RALGAPA1: variants seen among roughly 807,000 people sequenced by gnomAD.
The protein encoded by RALGAPA1 is Ral GTPase activating protein catalytic subunit alpha 1.
Under a neutral mutation model 269.6 loss-of-function variants are expected in RALGAPA1, and 52 were observed. That is an observed-to-expected ratio of 0.19 (90% CI 0.15 to 0.24). The LOEUF is 0.24. Ranked by LOEUF, RALGAPA1 falls within the 10% of genes least tolerant of loss-of-function variation. The probability of loss-of-function intolerance (pLI) is 1.00; values close to 1 mark genes in which losing one functional copy is unlikely to be tolerated. For missense variants in RALGAPA1, 1,917 were observed against 3,013.9 expected (o/e 0.64, Z 8.52); for synonymous variants, 817 against 1,008.3 (o/e 0.81, Z 3.60).
chr14:35,620,486 A>T (rs1330075506), intron 35 of RALGAPA1, among the ~76,000 whole-genome samples: 1 of 152,122 alleles, frequency 6.6e-6, no homozygotes, highest in Non-Finnish European at 1.5e-5. Flanking sequence ...ACTCCTATTC[A>T]ACATAGTGTT....
chr14:35,664,419 G>C (rs2063774243), intron 27 of RALGAPA1, among the ~76,000 whole-genome samples: 1 of 152,190 alleles, frequency 6.6e-6, no homozygotes, highest in South Asian at 2.1e-4. Flanking sequence ...AGGTAGACAT[G>C]TGAGTAGGTT....
chr14:35,799,219 G>A (rs2076799384), intron 1 of RALGAPA1, among the ~76,000 whole-genome samples: 1 of 152,058 alleles, frequency 6.6e-6, no homozygotes, highest in South Asian at 2.1e-4. Flanking sequence ...TATACTACAT[G>A]GGAAGTGGTA....
chr14:35,681,195 T>C (rs2065409620), intron 21 of RALGAPA1, among the ~76,000 whole-genome samples: 1 of 152,192 alleles, frequency 6.6e-6, no homozygotes, highest in Admixed American at 6.5e-5. Flanking sequence ...TCTTGGAAAA[T>C]ACTGTACTGA....
intron 27 of RALGAPA1, among the ~76,000 whole-genome samples, chr14:35,663,756 AT>A (rs971988717): frequency 6.6e-6 from 1 of 151,508 alleles, no homozygotes; most frequent in Admixed American, 6.6e-5. Flanking sequence ...TGCCCGGCTA[AT>A]TTTTTTTGTA....
chr14:35,600,715 T>C (rs192270755), intron 36 of RALGAPA1, among the ~76,000 whole-genome samples: 4 of 152,376 alleles, frequency 2.6e-5, no homozygotes, highest in Admixed American at 6.5e-5. Context: ...TCTATTTCTT[T>C]GCTGAGACTA....
chr14:35,709,157 C>T (rs1252011920), intron 16 of RALGAPA1, among the ~76,000 whole-genome samples: 1 of 151,942 alleles, frequency 6.6e-6, no homozygotes, highest in Non-Finnish European at 1.5e-5. Flanking sequence ...CTAGTATTTG[C>T]TAGTACAACA....
chr14:35,605,707 C>T lies in RALGAPA1; in HGVS notation c.6932G>A (p.Arg2311Gln), dbSNP rs368964947. Residue 2311 changes from arginine to glutamine, a missense_variant and splice_region_variant, in exon 36 of 42, where the codon CGA becomes CAA. This residue lies in a region of RALGAPA1 where 132 missense variants were observed against 271.2 expected (regional missense o/e 0.49). Transcript: ENST00000680220. The part of the protein sequence containing the change: ...ELRNLDSRQC[R>Q]ETHKIAVFYV... ...AAATACTGCAATCTTGTGTGTCTCT[C>T]GGCTATAAAACAAAAGATTACACCA... 5.0e-6 allele frequency: 8 copies of T among 1,604,494 alleles called. No individual in the cohort carries two copies. Among genetic ancestry groups the T allele is most frequent in the Non-Finnish European group, 6.8e-6 (8 of 1,177,640 alleles).
At chr14:35,556,140 G>C (rs1023164017) in intron 39 of RALGAPA1, among the ~76,000 whole-genome samples, 11 of 152,050 alleles carry the variant, frequency 7.2e-5, no homozygotes, top group African/African-American at 2.7e-4. Context: ...TCATTACACA[G>C]GGTCTTGAAA....
At chr14:35,669,296 C>T (rs189015336) in intron 26 of RALGAPA1, among the ~76,000 whole-genome samples, 238 of 152,134 alleles carry the variant, frequency 1.6e-3, no homozygotes, top group African/African-American at 5.5e-3. Context: ...CTCTTGTTGC[C>T]CAGGCTGGAG....
At chr14:35,706,609 CT>C (rs1377144950) in intron 16 of RALGAPA1, 2 of 138,142 alleles carry the variant, frequency 1.4e-5, no homozygotes, top group Non-Finnish European at 3.0e-5. Flanking sequence ...GCTCTTTTGC[CT>C]TTCCTTTTTT....
At chr14:35,541,139 G>A (rs1594478730) in intron 41 of RALGAPA1, among the ~76,000 whole-genome samples, 2 of 144,372 alleles carry the variant, frequency 1.4e-5, no homozygotes, top group Non-Finnish European at 3.0e-5. Context: ...TCCACTGCCC[G>A]GGTTCAAGCG....
intron 13 of RALGAPA1, 78 bp from the exon 14 acceptor site, chr14:35,725,231 A>T: frequency 1.0e-6 from 1 of 990,846 alleles, no homozygotes; most frequent in Non-Finnish European, 1.4e-6. Context: ...TCAAATACAT[A>T]CTTCTTATAA....
Position 35,689,587 on chromosome 14 carries a change from T to G in RALGAPA1, c.2824A>C (p.Thr942Pro). The G allele has an allele frequency of 8.0e-7, 1 of 1,242,996 alleles. No homozygotes were observed. Among genetic ancestry groups the G allele is most frequent in the Non-Finnish European group, 1.0e-6 (1 of 995,270 alleles). The allele number at this position is 1,242,996 out of a possible 1,614,324, so 77.0% of individuals were successfully genotyped here. A position where few individuals can be genotyped will look rare whatever the true frequency, so the allele number is the denominator to read the frequency against. Residue 942 changes from threonine (T) to proline (P), a missense_variant, in exon 18 of 42, where the codon ACC (threonine) becomes CCC (proline). Physicochemically the swap from Thr to Pro is conservative, Grantham distance 38 (BLOSUM62 -1). Around this residue, in one of 11 missense-constraint regions of RALGAPA1, gnomAD observed 615 missense variants for 790.0 expected, o/e 0.78. Transcript: ENST00000680220. The part of the protein sequence containing the change: ...DLEGDDDLLS[T>P]LKEYFKENQE... ...TTTTCCTTAAAATATTCTTTCAGGG[T>G]GGAAAGAAGATCATCATCTCCTTCA...
chr14:35,608,922 G>T (rs1269438984), intron 35 of RALGAPA1, among the ~76,000 whole-genome samples: 1 of 152,112 alleles, frequency 6.6e-6, no homozygotes, highest in African/African-American at 2.4e-5. Flanking sequence ...ACAACTTACA[G>T]GATAGACCAT....
intron 16 of RALGAPA1, chr14:35,715,990 C>T (rs1163195921): frequency 2.0e-6 from 2 of 985,308 alleles, no homozygotes; most frequent in Non-Finnish European, 2.4e-6. Flanking sequence ...TATCTAATAG[C>T]TCCAGAATAT....
At chr14:35,638,769 C>A (rs565513195) in intron 31 of RALGAPA1, among the ~76,000 whole-genome samples, 1 of 151,522 alleles carries the variant, frequency 6.6e-6, no homozygotes, top group East Asian at 1.9e-4. Context: ...TACTAAAAAA[C>A]CAAAAAATTA....
At chr14:35,629,108 G>A (rs190946346) in intron 33 of RALGAPA1, among the ~76,000 whole-genome samples, 1 of 152,134 alleles carries the variant, frequency 6.6e-6, no homozygotes, top group Non-Finnish European at 1.5e-5. Flanking sequence ...TTCTAAGGAG[G>A]GCTAAAGACT....
At chr14:35,808,395 T>C (rs2077525360) in intron 1 of RALGAPA1, among the ~76,000 whole-genome samples, 1 of 152,198 alleles carries the variant, frequency 6.6e-6, no homozygotes, top group South Asian at 2.1e-4. Context: ...GGGTTGGCAG[T>C]AGTCATCTGG....
intron 37 of RALGAPA1, among the ~76,000 whole-genome samples, chr14:35,575,542 G>A (rs899261271): frequency 5.3e-5 from 8 of 152,042 alleles, no homozygotes; most frequent in Admixed American, 3.9e-4. Context: ...ATCCTGCCTC[G>A]GCTTGAATAC....
Sources: gnomAD v4.1 joint callset for allele counts (sites outside exome capture counted in the v4.1 genomes callset) on GRCh38, gnomAD v4.1.1 for gene constraint, gnomAD v4.1.1 regional missense constraint, MANE v1.5 for transcripts, NCBI Gene and HGNC (gene_info 2026-07-23, HGNC 2026-07-21) for gene names.